Variants in FOCAD observed in about 807,000 individuals in gnomAD.
The protein encoded by FOCAD is KIAA1797.
Under a neutral mutation model 225.6 loss-of-function variants are expected in FOCAD, and 198 were observed. The ratio of observed to expected loss-of-function variants is 0.88; its 90% confidence interval spans 0.78 to 0.99. The LOEUF is 0.99. FOCAD is among the 50% of genes least tolerant of loss of function. The pLI is 0.00. For synonymous variants in FOCAD, 897 were observed against 755.0 expected, an observed-to-expected ratio of 1.19 and a Z score of -3.08; for missense variants, 2,713 against 2,123.6, an observed-to-expected ratio of 1.28 and a Z score of -5.46.
chr9:20,992,960 TA>T (rs76133502), intron 42 of FOCAD, among the ~76,000 whole-genome samples: 159 of 141,274 alleles, frequency 1.1e-3, no homozygotes, highest in African/African-American at 1.7e-3. Context: ...AGACTCCATC[TA>T]AAAAAAAAAA....
chr9:20,959,405 A>G (rs1476150313), intron 35 of FOCAD, among the ~76,000 whole-genome samples: 2 of 151,960 alleles, frequency 1.3e-5, no homozygotes, highest in African/African-American at 4.8e-5. Context: ...TGCTGTTGAG[A>G]TGTTTGAGTT....
chr9:20,845,441 C>CTATATATA (rs1375298178), intron 15 of FOCAD, among the ~76,000 whole-genome samples: 1 of 48,022 alleles, frequency 2.1e-5, no homozygotes, highest in Non-Finnish European at 4.4e-5. Flanking sequence ...ATCTTTTCCT[C>CTATATATA]GATATATATA....
chr9:20,870,920 C>T (rs942125586), intron 18 of FOCAD, among the ~76,000 whole-genome samples: 2 of 152,040 alleles, frequency 1.3e-5, no homozygotes, highest in South Asian at 4.1e-4. Context: ...AGTAAATTAT[C>T]AGCTGAGTGT....
chr9:20,986,283 T>G lies in FOCAD; in HGVS notation c.4729-5T>G, dbSNP rs748067936. On this transcript the variant is annotated splice_region_variant and splice_polypyrimidine_tract_variant and intron_variant, in intron 39 of 43. Coordinates refer to ENST00000338382, the MANE Select transcript of FOCAD (RefSeq NM_001375567.1). Reference sequence around the variant, plus strand: ...ACTAAACAATTTTTTTTTTTTTTTTTGCAGAGCAACATAGAAAAAGCTGCC... The same window carrying G: ...ACTAAACAATTTTTTTTTTTTTTTTGGCAGAGCAACATAGAAAAAGCTGCC... 8.1e-6 allele frequency: 12 copies of G among 1,476,782 alleles called. 1 individual carries two copies. The highest frequency in any genetic ancestry group is 1.1e-5 in the Non-Finnish European group (12 of 1,113,560). 91.5% of individuals were successfully genotyped at this position (1,476,782 alleles called of 1,614,324 possible). A position where few individuals can be genotyped will look rare whatever the true frequency, so the allele number is the denominator to read the frequency against.
At chr9:20,699,657 G>C (rs1182313117) in intron 1 of FOCAD, among the ~76,000 whole-genome samples, 1 of 143,042 alleles carries the variant, frequency 7.0e-6, no homozygotes, top group East Asian at 2.2e-4. Flanking sequence ...AGAATGGCAT[G>C]AACCCAGGAG....
intron 1 of FOCAD, among the ~76,000 whole-genome samples, chr9:20,699,653 G>A (rs1244930157): frequency 6.9e-6 from 1 of 144,412 alleles, no homozygotes; most frequent in East Asian, 2.2e-4. Context: ...CAGGAGAATG[G>A]CATGAACCCA....
At chr9:20,739,489 G>T (rs1012966053) in intron 4 of FOCAD, among the ~76,000 whole-genome samples, 2 of 151,954 alleles carry the variant, frequency 1.3e-5, no homozygotes, top group African/African-American at 4.8e-5. Context: ...TGTAATCCCA[G>T]CTACTTGGGA....
In FOCAD at chr9:20,764,911, G is replaced by C; in HGVS notation, c.537G>C (p.Trp179Cys). The C allele has an allele frequency of 6.2e-7, 1 of 1,614,080 alleles. No homozygotes were observed. Among genetic ancestry groups the C allele is most frequent in the Non-Finnish European group, 8.5e-7 (1 of 1,180,006 alleles). The change falls in exon 7 of 44, where the codon TGG becomes TGC. Residue 179 changes from tryptophan (W) to cysteine (C), a missense_variant. Trp to Cys is a radical substitution (Grantham distance 215). Coordinates refer to ENST00000338382, the MANE Select transcript of FOCAD (RefSeq NM_001375567.1). ...SCIQIMAPFL[W>C]YLYCEPSQLQ... ...TTCAAATAATGGCACCATTTCTGTG[G>C]TATCTGTATTGTGAACCATCTCAGT...
intron 35 of FOCAD, among the ~76,000 whole-genome samples, chr9:20,968,473 G>T (rs1218448362): frequency 1.1e-5 from 1 of 91,814 alleles, no homozygotes; most frequent in African/African-American, 4.2e-5. Context: ...TTAGAGTATT[G>T]CTGTGTCGCC....
chr9:20,683,448 T>C (rs1822468852), upstream of FOCAD: 1 of 152,206 alleles, frequency 6.6e-6, no homozygotes, highest in African/African-American at 2.4e-5. Context: ...CACTCCGTCA[T>C]ACCAGTCTCT....
chr9:20,831,937 T>C (rs764732103), intron 15 of FOCAD, among the ~76,000 whole-genome samples: 1 of 152,118 alleles, frequency 6.6e-6, no homozygotes, highest in Admixed American at 6.6e-5. Flanking sequence ...ACACTTCATA[T>C]GGAGTCATAC....
intron 19 of FOCAD, among the ~76,000 whole-genome samples, 196 bp from the exon 20 acceptor site, chr9:20,881,675 A>C (rs1157659649): frequency 6.6e-6 from 1 of 152,056 alleles, no homozygotes; most frequent in African/African-American, 2.4e-5. Flanking sequence ...GAGAGGAATT[A>C]AGCTTGAGCA....
intron 1 of FOCAD, among the ~76,000 whole-genome samples, chr9:20,687,799 T>C (rs1822753621): frequency 1.3e-5 from 2 of 152,210 alleles, no homozygotes. Flanking sequence ...ATGGACTTCA[T>C]AAACAACACC....
intron 15 of FOCAD, among the ~76,000 whole-genome samples, chr9:20,852,428 A>G (rs1827749172): frequency 6.6e-6 from 1 of 151,248 alleles, no homozygotes; most frequent in Non-Finnish European, 1.5e-5. Context: ...TTATCCATGA[A>G]GAATTCATCA....
At chr9:20,664,641 C>CTTT (rs558613749) in intron 2 of FOCAD, among the ~76,000 whole-genome samples, 2 of 138,528 alleles carry the variant, frequency 1.4e-5, no homozygotes, top group Admixed American at 7.2e-5. Flanking sequence ...TCTTTCCTTT[C>CTTT]TTTTTTTTTT....
upstream of FOCAD, among the ~76,000 whole-genome samples, chr9:20,656,686 G>C (rs1412033327): frequency 5.3e-5 from 8 of 152,012 alleles, no homozygotes; most frequent in Non-Finnish European, 1.2e-4. Flanking sequence ...CACGTGAGAT[G>C]GGTTTCCTGA....
intron 28 of FOCAD, among the ~76,000 whole-genome samples, chr9:20,938,258 C>T (rs559070742): frequency 6.6e-6 from 1 of 152,308 alleles, no homozygotes; most frequent in Non-Finnish European, 1.5e-5. Flanking sequence ...ATAAATCATG[C>T]TGCTATAAAG....
chr9:20,785,853 A>G (rs34901298), intron 10 of FOCAD, among the ~76,000 whole-genome samples: 8,423 of 152,246 alleles, frequency 0.055, 336 homozygotes, highest in Non-Finnish European at 0.081. Context: ...AAGGGGCTGC[A>G]CTATTCTATA....
chr9:20,663,101 T>G (rs774924077), intron 2 of FOCAD, among the ~76,000 whole-genome samples: 4 of 152,118 alleles, frequency 2.6e-5, no homozygotes, highest in Admixed American at 6.6e-5. Flanking sequence ...GCAAATTAAA[T>G]TAGGCTGGGT....
Sources: allele counts gnomAD v4.1 joint callset (sites outside exome capture counted in the v4.1 genomes callset), GRCh38; gene constraint gnomAD v4.1.1; transcripts MANE v1.5; gene names NCBI Gene and HGNC (gene_info 2026-07-23, HGNC 2026-07-21).